The following CAMKMT variants were observed in gnomAD, a reference collection of about 807,000 sequenced individuals.
CAMKMT encodes the protein calmodulin-lysine N-methyltransferase.
In CAMKMT, 53 loss-of-function variants were observed where a neutral mutation model predicts 48.0. That is an observed-to-expected ratio of 1.10 (90% CI 0.89 to 1.39). The LOEUF is 1.39. CAMKMT is among the 40% of genes most tolerant of loss of function. The pLI is 0.00. For missense variants in CAMKMT, 428 were observed against 402.7 expected (o/e 1.06, Z -0.54); for synonymous variants, 165 against 152.3 (o/e 1.08, Z -0.61).
At chr2:44,575,956 C>A (rs949778406) in intron 3 of CAMKMT, among the ~76,000 whole-genome samples, 4 of 152,084 alleles carry the variant, frequency 2.6e-5, no homozygotes, top group Admixed American at 6.5e-5. Flanking sequence ...ATATCCTGAT[C>A]TGGGAAATGT....
chr2:44,739,143 C>A (rs1426796174), intron 7 of CAMKMT, among the ~76,000 whole-genome samples: 1 of 152,192 alleles, frequency 6.6e-6, no homozygotes, highest in Non-Finnish European at 1.5e-5. Context: ...AGAGAAAAGG[C>A]TCATGATCTG....
At chr2:44,666,055 G>A (rs538019028) in intron 3 of CAMKMT, among the ~76,000 whole-genome samples, 1 of 152,180 alleles carries the variant, frequency 6.6e-6, no homozygotes, top group Non-Finnish European at 1.5e-5. Flanking sequence ...ATTTTAAATC[G>A]TTTGCATTGA....
rs561452405 is a variant in CAMKMT, at chr2:44,434,598, C to T, written c.376+44293C>T. ...ATGTCCTTAGCAAAGAAGGTAGTGACTTTGTCTTATTCAATATTGTCTCCC... is the reference window on the plus strand; with the variant it reads ...ATGTCCTTAGCAAAGAAGGTAGTGATTTTGTCTTATTCAATATTGTCTCCC... On this transcript the variant is annotated intron_variant, in intron 3 of 10. Transcript: ENST00000378494. 2.0e-5 allele frequency among the ~76,000 whole-genome samples: 3 copies of T among 152,206 alleles called. No homozygotes were observed. The South Asian group carries it at 6.2e-4, about 32-fold the overall frequency.
At chr2:44,497,740 A>AGAGAGAGAGAGAGAGAGAGAGG (rs1669822220) in intron 3 of CAMKMT, among the ~76,000 whole-genome samples, 1 of 150,968 alleles carries the variant, frequency 6.6e-6, no homozygotes, top group African/African-American at 2.4e-5. Context: ...AGAGAGAGAG[A>AGAGAGAGAGAGAGAGAGAGAGG]GAGGGATAGT....
chr2:44,535,908 T>G (rs1666748501), intron 3 of CAMKMT, among the ~76,000 whole-genome samples: 1 of 152,116 alleles, frequency 6.6e-6, no homozygotes, highest in South Asian at 2.1e-4. Context: ...GCATCCAGAT[T>G]GGAAAAGAGA....
chr2:44,614,602 G>GA (rs1671770230), intron 3 of CAMKMT, among the ~76,000 whole-genome samples: 4 of 152,126 alleles, frequency 2.6e-5, no homozygotes, highest in Admixed American at 2.6e-4. Flanking sequence ...GTGCATTGGA[G>GA]AAAAACAAGG....
chr2:44,726,404 T>C (rs1306230547), intron 7 of CAMKMT, among the ~76,000 whole-genome samples: 1 of 152,212 alleles, frequency 6.6e-6, no homozygotes, highest in African/African-American at 2.4e-5. Flanking sequence ...TTTTATATGT[T>C]TGTTGGCCGC....
At chr2:44,386,184 C>A (rs1468918485) in intron 2 of CAMKMT, among the ~76,000 whole-genome samples, 1 of 151,984 alleles carries the variant, frequency 6.6e-6, no homozygotes, top group African/African-American at 2.4e-5. Context: ...GTATCTAATT[C>A]TCATGCTTTA....
At chr2:44,370,154 T>A (rs567669667) in intron 1 of CAMKMT, 5 of 152,376 alleles carry the variant, frequency 3.3e-5, no homozygotes, top group Non-Finnish European at 7.3e-5. Flanking sequence ...TTGGGCAAAT[T>A]GCTTAACTGC....
chr2:44,476,385 ATTC>A (rs1465793996), intron 3 of CAMKMT, among the ~76,000 whole-genome samples: 2 of 152,162 alleles, frequency 1.3e-5, no homozygotes, highest in African/African-American at 4.8e-5. Flanking sequence ...AGTATAACAT[ATTC>A]TTAAAATGGG....
At chr2:44,652,831 C>G (rs548471461) in intron 3 of CAMKMT, among the ~76,000 whole-genome samples, 3 of 152,306 alleles carry the variant, frequency 2.0e-5, no homozygotes, top group Admixed American at 2.0e-4. Flanking sequence ...CAATTGACAT[C>G]CACTGACTCC....
chr2:44,447,803 G>C (rs574221275), intron 3 of CAMKMT, among the ~76,000 whole-genome samples: 3 of 152,030 alleles, frequency 2.0e-5, no homozygotes, highest in Non-Finnish European at 4.4e-5. Context: ...ATAATACTCC[G>C]CCCAAAAAAT....
At chr2:44,523,527 G>T (rs2603255) in intron 3 of CAMKMT, among the ~76,000 whole-genome samples, 16,545 of 150,586 alleles carry the variant, frequency 0.11, 1,279 homozygotes, top group African/African-American at 0.21. Flanking sequence ...ACTCCTGACC[G>T]CAGGTGATCC....
chr2:44,494,486 G>A (rs560172471), intron 3 of CAMKMT, among the ~76,000 whole-genome samples: 2 of 152,192 alleles, frequency 1.3e-5, no homozygotes, highest in Non-Finnish European at 2.9e-5. Flanking sequence ...TTTTAAAACT[G>A]TTGCTAAGGG....
intron 3 of CAMKMT, among the ~76,000 whole-genome samples, chr2:44,434,463 T>C (rs373868543): frequency 8.5e-5 from 13 of 152,318 alleles, no homozygotes; most frequent in Admixed American, 2.0e-4. Context: ...GGACTGATGT[T>C]TGATTTCATT....
At chr2:44,641,588 C>G (rs1179698244) in intron 3 of CAMKMT, among the ~76,000 whole-genome samples, 1 of 151,982 alleles carries the variant, frequency 6.6e-6, no homozygotes, top group Non-Finnish European at 1.5e-5. Flanking sequence ...GACAGGGTCT[C>G]ACTCTGTCAC....
Position 44,415,519 on chromosome 2 carries a change from A to G in CAMKMT, c.376+25214A>G, listed in dbSNP as rs144718537. Among the ~76,000 whole-genome samples the G allele has an allele frequency of 1.8e-3, 267 of 152,330 alleles. No individual in the cohort carries two copies. The Middle Eastern group carries it at 0.027, about 16-fold the overall frequency. On this transcript the variant is annotated intron_variant, in intron 3 of 10. Transcript: ENST00000378494. ...CAAATTAAGATAATCACATGAATAA[A>G]TTAGTGGCAATAATTTCTTTGAGTC... is the stretch of plus-strand genomic sequence containing the variant.
intron 3 of CAMKMT, among the ~76,000 whole-genome samples, chr2:44,472,068 T>C (rs1384657821): frequency 6.6e-6 from 1 of 152,174 alleles, no homozygotes; most frequent in Non-Finnish European, 1.5e-5. Context: ...AAGAATTAAA[T>C]GGGCAATTAT....
intron 3 of CAMKMT, among the ~76,000 whole-genome samples, chr2:44,552,573 A>G (rs1269196035): frequency 6.6e-6 from 1 of 152,068 alleles, no homozygotes; most frequent in African/African-American, 2.4e-5. Context: ...GCAACCACTC[A>G]CCTCCATATT....
Sources: gnomAD v4.1 joint callset for allele counts (sites outside exome capture counted in the v4.1 genomes callset) on GRCh38, gnomAD v4.1.1 for gene constraint, MANE v1.5 for transcripts, NCBI Gene and HGNC (gene_info 2026-07-23, HGNC 2026-07-21) for gene names.